Variants in VIPR2 observed in about 807,000 individuals in gnomAD.
The protein encoded by VIPR2 is vasoactive intestinal polypeptide receptor 2.
VIPR2 carries 48 observed loss-of-function variants against 58.0 expected under a neutral mutation model. That is an observed-to-expected ratio of 0.83 (90% CI 0.66 to 1.05). The LOEUF (loss-of-function observed/expected upper bound fraction) is 1.05. Among genes scored for constraint, VIPR2 ranks in the 50% least tolerant of loss-of-function variants. The pLI is 0.00. For missense variants in VIPR2, 534 were observed against 558.0 expected (o/e 0.96, Z 0.43); for synonymous variants, 243 against 235.2 (o/e 1.03, Z -0.30).
At chr7:159,111,675 G>A (rs1290870070) in intron 2 of VIPR2, among the ~76,000 whole-genome samples, 13 of 127,844 alleles carry the variant, frequency 1.0e-4, no homozygotes, top group Admixed American at 5.1e-4. Context: ...GCAAGATTCC[G>A]TCTCAAAAAA....
chr7:159,070,621 G>A (rs577794351), intron 4 of VIPR2, among the ~76,000 whole-genome samples: 2 of 152,264 alleles, frequency 1.3e-5, no homozygotes, highest in Admixed American at 6.5e-5. Context: ...CAAGTCACTC[G>A]GCCTGTACTT....
intron 4 of VIPR2, among the ~76,000 whole-genome samples, chr7:159,066,078 CCAGGATGCCTGTTCCTG>C (rs1301201261): frequency 2.0e-5 from 3 of 152,110 alleles, no homozygotes; most frequent in African/African-American, 7.2e-5. Flanking sequence ...CCGCGGGATT[CCAGGATGCCTGTTCCTG>C]CAGCGTCCGT....
chr7:159,078,957 C>T (rs1043588329), intron 4 of VIPR2, among the ~76,000 whole-genome samples: 1 of 152,160 alleles, frequency 6.6e-6, no homozygotes, highest in African/African-American at 2.4e-5. Context: ...CCAGTGCCCA[C>T]TGACTCAGCA....
Position 159,127,464 on chromosome 7 carries a change from C to A in VIPR2, c.151+14982G>T, listed in dbSNP as rs1299193817. On this transcript the variant is annotated intron_variant, in intron 2 of 12. Transcript: ENST00000262178. This position sits in a 1 kb window ranked among gnomAD's most constrained non-coding sequence, Gnocchi z 4.6. ...GTAACGTTTATAGGTCCAGATAGAA[C>A]CTATGAATTTTTAAGAATGTGCTGA... Among the ~76,000 whole-genome samples, 2 of 152,186 alleles carry A rather than the reference C, an allele frequency of 1.3e-5. No homozygotes were observed. Among genetic ancestry groups the A allele is most frequent in the African/African-American group, 4.8e-5 (2 of 41,446 alleles).
At chr7:159,055,222 T>G (rs1182603681) in intron 5 of VIPR2, among the ~76,000 whole-genome samples, 1 of 152,168 alleles carries the variant, frequency 6.6e-6, no homozygotes, top group East Asian at 1.9e-4. Flanking sequence ...GAGTTCCTTT[T>G]GCATGATTCC....
chr7:159,132,820 C>CAGATTGATTTTAGA (rs1563355132), intron 2 of VIPR2, among the ~76,000 whole-genome samples: 3 of 129,018 alleles, frequency 2.3e-5, no homozygotes, highest in Non-Finnish European at 3.5e-5. Flanking sequence ...GATTGGCATA[C>CAGATTGATTTTAGA]CGATTGATTT....
intron 4 of VIPR2, among the ~76,000 whole-genome samples, chr7:159,060,538 C>T (rs913763112): frequency 6.6e-6 from 1 of 151,844 alleles, no homozygotes; most frequent in African/African-American, 2.4e-5. Context: ...GCCACCCTCA[C>T]ATCATCTAAC....
In VIPR2 at chr7:159,073,929, G is replaced by A. The variant is rs376448103; in HGVS notation, c.358-15351C>T. On this transcript the variant is annotated intron_variant, in intron 4 of 12. Coordinates refer to ENST00000262178, the MANE Select transcript of VIPR2 (RefSeq NM_003382.5). The stretch of plus-strand genomic sequence containing the variant: ...GGCATGAGTGCACAGACAGACAACT[G>A]TGCACACAATTCTGGGGGCTGATGG... Among the ~76,000 whole-genome samples, 17 of 152,212 alleles carry A rather than the reference G, an allele frequency of 1.1e-4. No individual in the cohort carries two copies. In the South Asian group the frequency reaches 3.3e-3, roughly 30 times the overall value.
intron 4 of VIPR2, among the ~76,000 whole-genome samples, chr7:159,082,238 G>C (rs938113942): frequency 7.2e-4 from 109 of 152,264 alleles, no homozygotes; most frequent in African/African-American, 2.5e-3. Context: ...ATGATAGACT[G>C]GATTAAGAAA....
chr7:159,032,892 C>T (rs914050411), intron 10 of VIPR2, among the ~76,000 whole-genome samples: 4 of 152,022 alleles, frequency 2.6e-5, no homozygotes, highest in Admixed American at 2.6e-4. Context: ...CGATCTTATT[C>T]GGGGGTCTCT....
In VIPR2 at chr7:159,062,716, G is replaced by A. The variant is rs571588972; in HGVS notation, c.358-4138C>T. Among the ~76,000 whole-genome samples the A allele has an allele frequency of 1.8e-4, 27 of 152,232 alleles. No homozygotes were observed. The East Asian group carries it at 3.9e-3, about 22-fold the overall frequency. ...TTTATTACAAAGGGCAAAAGAACAC[G>A]ACTGCCACAGCACATAAGGAGACCC... On this transcript the variant is annotated intron_variant, in intron 4 of 12. Coordinates refer to ENST00000262178, the MANE Select transcript of VIPR2 (RefSeq NM_003382.5).
chr7:159,072,772 T>C (rs1458171177), intron 4 of VIPR2, among the ~76,000 whole-genome samples: 1 of 152,234 alleles, frequency 6.6e-6, no homozygotes, highest in Admixed American at 6.5e-5. Flanking sequence ...ACTTTTTTGG[T>C]ATAGCCTAAT....
At chr7:159,135,046 T>C (rs1797158360) in intron 2 of VIPR2, among the ~76,000 whole-genome samples, 1 of 143,958 alleles carries the variant, frequency 6.9e-6, no homozygotes. Flanking sequence ...TTTAAGTAAT[T>C]GGCCTAGAAA....
chr7:159,033,121 C>T (rs1356567899), intron 10 of VIPR2, among the ~76,000 whole-genome samples: 1 of 152,216 alleles, frequency 6.6e-6, no homozygotes, highest in Non-Finnish European at 1.5e-5. Flanking sequence ...CTGCATTGAT[C>T]CTCCTGACCT....
intron 4 of VIPR2, among the ~76,000 whole-genome samples, chr7:159,088,859 TCC>T: frequency 1.4e-5 from 1 of 70,642 alleles, no homozygotes; most frequent in Admixed American, 1.6e-4. Flanking sequence ...AGGCCTCAGC[TCC>T]TCATCTGGGG....
At chr7:159,055,417 T>G (rs1021806739) in intron 5 of VIPR2, among the ~76,000 whole-genome samples, 1 of 152,104 alleles carries the variant, frequency 6.6e-6, no homozygotes, top group Non-Finnish European at 1.5e-5. Context: ...TATACTGCAT[T>G]AGCAAACGTT....
chr7:159,031,692 C>T lies in VIPR2; in HGVS notation c.1143+136G>A. 1 of 1,530,706 alleles carries T rather than the reference C, an allele frequency of 6.5e-7. No homozygotes were observed. The highest frequency in any genetic ancestry group is 8.7e-7 in the Non-Finnish European group (1 of 1,144,640). 94.8% of individuals were successfully genotyped at this position (1,530,706 alleles called of 1,614,324 possible). On this transcript the variant is annotated intron_variant, in intron 12 of 12. Transcript: ENST00000262178. The surrounding 1 kb of genome is among the most constrained non-coding windows in gnomAD (Gnocchi z 4.0). ...CGTTGTGGGTTCTCTGATGGGGACA[C>T]AGAACTGTGGGGTCCCGGGCAGTAA...
At chr7:159,087,302 A>G in intron 4 of VIPR2, among the ~76,000 whole-genome samples, 1 of 133,482 alleles carries the variant, frequency 7.5e-6, no homozygotes, top group East Asian at 2.3e-4. Flanking sequence ...AGCTTCTCCA[A>G]CAAACAATAC....
intron 2 of VIPR2, among the ~76,000 whole-genome samples, chr7:159,135,684 G>A (rs12234576): frequency 0.2 from 29,710 of 150,704 alleles, 3,035 homozygotes; most frequent in African/African-American, 0.24. Context: ...TTAGCTGGGC[G>A]TGGTGACAGG....
Sources: gnomAD v4.1 joint callset for allele counts (sites outside exome capture counted in the v4.1 genomes callset) on GRCh38, gnomAD v4.1.1 for gene constraint, Gnocchi (gnomAD v3.1) non-coding constraint, MANE v1.5 for transcripts, NCBI Gene and HGNC (gene_info 2026-07-23, HGNC 2026-07-21) for gene names.